The following RNF185 variants were observed in gnomAD, a reference collection of about 807,000 sequenced individuals.
The protein encoded by RNF185 is E3 ubiquitin-protein ligase RNF185.
RNF185 carries 13 observed loss-of-function variants against 24.9 expected under a neutral mutation model. That is an observed-to-expected ratio of 0.52 (90% CI 0.34 to 0.83). The LOEUF is 0.83. RNF185 is among the 40% of genes least tolerant of loss of function. The probability of loss-of-function intolerance (pLI) is 0.01; values close to 1 mark genes in which losing one functional copy is unlikely to be tolerated. For missense variants in RNF185, 184 were observed against 244.7 expected (o/e 0.75, Z 1.65); for synonymous variants, 79 against 90.3 (o/e 0.88, Z 0.71).
chr22:31,171,333 C>G (rs5753496), intron 1 of RNF185, among the ~76,000 whole-genome samples: 1 of 150,636 alleles, frequency 6.6e-6, no homozygotes, highest in South Asian at 2.1e-4. Flanking sequence ...CTATGACCAG[C>G]TAATTTTTTT....
chr22:31,187,420 G>A (rs770268509), intron 2 of RNF185, 150 bp downstream of exon 2: 17 of 816,044 alleles, frequency 2.1e-5, no homozygotes, highest in Non-Finnish European at 3.3e-5. Flanking sequence ...TCCCAGCTCT[G>A]CTACCAATGA....
In RNF185 at chr22:31,184,552, G is replaced by A. The variant is rs5753502; in HGVS notation, c.-48-2495G>A. On this transcript the variant is annotated intron_variant, in intron 1 of 6. Transcript: ENST00000326132. ...AGGCTGCAATCTCGGCACTTTGGGA[G>A]GCCAAGGCAGGCGGCTGGGAGGTGG... 0.035 allele frequency among the ~76,000 whole-genome samples: 5,387 copies of A among 152,230 alleles called. 473 individuals are homozygous for A. The East Asian group carries it at 0.37, about 11-fold the overall frequency.
chr22:31,179,178 C>T (rs1025097756), intron 1 of RNF185, among the ~76,000 whole-genome samples: 1 of 152,206 alleles, frequency 6.6e-6, no homozygotes, highest in Non-Finnish European at 1.5e-5. Context: ...ATAGCTTCTA[C>T]AGGGACCATG....
intron 6 of RNF185, among the ~76,000 whole-genome samples, chr22:31,202,653 C>T (rs1436484101): frequency 6.9e-6 from 1 of 144,160 alleles, no homozygotes; most frequent in Non-Finnish European, 1.5e-5. Context: ...CGCTCTGTCC[C>T]CCAGGCTGGA....
rs1026371456 is a variant in RNF185 at position 31,204,967 on chromosome 22, G to C, written c.*381G>C. ...CAGAAACAAAGGGATGCACCAAATG[G>C]TATTTCTGGAAATTTTCATGTCTTT... On this transcript the variant is annotated 3_prime_UTR_variant, in exon 7 of 7. Coordinates refer to ENST00000326132, the MANE Select transcript of RNF185 (RefSeq NM_152267.4). 1 of 196,552 alleles carries C rather than the reference G, an allele frequency of 5.1e-6. No individual in the cohort carries two copies. Among genetic ancestry groups the C allele is most frequent in the Non-Finnish European group, 1.2e-5 (1 of 83,176 alleles). The allele number at this position is 196,552 out of a possible 1,614,324, so 12.2% of individuals were successfully genotyped here.
At chr22:31,162,375 A>T (rs1923632741) in intron 1 of RNF185, among the ~76,000 whole-genome samples, 1 of 152,158 alleles carries the variant, frequency 6.6e-6, no homozygotes, top group South Asian at 2.1e-4. Context: ...CCTTTTAAAG[A>T]AGTGTCTGAA....
At chr22:31,196,508 A>T (rs1158951711) in intron 4 of RNF185, among the ~76,000 whole-genome samples, 3 of 152,242 alleles carry the variant, frequency 2.0e-5, no homozygotes, top group African/African-American at 4.8e-5. Flanking sequence ...GAATAGTAGG[A>T]GATAGAGCTG....
intron 1 of RNF185, among the ~76,000 whole-genome samples, chr22:31,166,212 A>C (rs1923909151): frequency 6.6e-6 from 1 of 151,922 alleles, no homozygotes; most frequent in Non-Finnish European, 1.5e-5. Flanking sequence ...GCTGGTCTCG[A>C]ACTCCTGACC....
intron 2 of RNF185, among the ~76,000 whole-genome samples, chr22:31,188,380 T>C (rs1358396432): frequency 6.6e-6 from 1 of 152,212 alleles, no homozygotes; most frequent in Non-Finnish European, 1.5e-5. Flanking sequence ...TAAAAGCTGT[T>C]GTGATCCACA....
intron 1 of RNF185, among the ~76,000 whole-genome samples, chr22:31,174,916 C>CA (rs943982117): frequency 4.0e-5 from 6 of 150,838 alleles, no homozygotes; most frequent in Non-Finnish European, 8.9e-5. Context: ...CGAAAAATAC[C>CA]AAAAAAATTA....
chr22:31,160,589 A>G (rs1923505404), intron 1 of RNF185, among the ~76,000 whole-genome samples: 1 of 152,082 alleles, frequency 6.6e-6, no homozygotes, highest in Non-Finnish European at 1.5e-5. Flanking sequence ...CCCGTGCGAG[A>G]CCGCCTCTAT....
At chr22:31,190,770 GTTTTTGTA>G (rs2048148721) in intron 2 of RNF185, among the ~76,000 whole-genome samples, 1 of 149,176 alleles carries the variant, frequency 6.7e-6, no homozygotes, top group Non-Finnish European at 1.5e-5. Context: ...CACATGGCTA[GTTTTTGTA>G]TTTTTAATAG....
chr22:31,195,465 G>C lies in RNF185; in HGVS notation c.196-4G>C. On this transcript the variant is annotated splice_region_variant and splice_polypyrimidine_tract_variant and intron_variant, in intron 3 of 6. Coordinates refer to ENST00000326132, the MANE Select transcript of RNF185 (RefSeq NM_152267.4). ...CCACATGCATTTTTCTCTCCTGTTT[G>C]CAGTGGTTGGAGACCAGACCTAACA... The C allele has an allele frequency of 6.3e-7, 1 of 1,594,610 alleles. No individual in the cohort carries two copies. The highest frequency in any genetic ancestry group is 8.5e-7 in the Non-Finnish European group (1 of 1,169,886).
chr22:31,196,819 G>T (rs2048209679), intron 4 of RNF185, 117 bp from the exon 5 acceptor site: 1 of 1,357,116 alleles, frequency 7.4e-7, no homozygotes, highest in South Asian at 1.3e-5. Flanking sequence ...ATAAGTTCAT[G>T]TCCTGGACAA....
chr22:31,196,143 G>A (rs1041678852), intron 4 of RNF185, among the ~76,000 whole-genome samples: 1 of 152,164 alleles, frequency 6.6e-6, no homozygotes, highest in African/African-American at 2.4e-5. Flanking sequence ...ATCAGCCTGT[G>A]TATTTGCTCT....
chr22:31,178,502 T>A (rs554195890), intron 1 of RNF185, among the ~76,000 whole-genome samples: 2 of 152,290 alleles, frequency 1.3e-5, no homozygotes, highest in South Asian at 4.1e-4. Context: ...CCTATTTAAA[T>A]CTCTGAAGGG....
At chr22:31,193,667 G>A (rs1319488449) in intron 3 of RNF185, among the ~76,000 whole-genome samples, 7 of 151,774 alleles carry the variant, frequency 4.6e-5, no homozygotes, top group East Asian at 2.0e-4. Flanking sequence ...GGTGGTGCAC[G>A]CCTATAGTCC....
intron 2 of RNF185, among the ~76,000 whole-genome samples, chr22:31,191,736 A>G (rs5753505): frequency 0.79 from 119,851 of 151,320 alleles, 48,407 homozygotes; most frequent in African/African-American, 0.95. Flanking sequence ...GGAGGCTGAG[A>G]CAGGAGAATC....
chr22:31,172,475 G>A (rs1027076378), intron 1 of RNF185, among the ~76,000 whole-genome samples: 115 of 151,996 alleles, frequency 7.6e-4, no homozygotes, highest in African/African-American at 2.8e-3. Context: ...AAGGCTGGGC[G>A]CGGTGGCTCA....
Sources: gnomAD v4.1 joint callset for allele counts (sites outside exome capture counted in the v4.1 genomes callset) on GRCh38, gnomAD v4.1.1 for gene constraint, MANE v1.5 for transcripts, NCBI Gene and HGNC (gene_info 2026-07-23, HGNC 2026-07-21) for gene names.